Variants in HUWE1 observed in about 807,000 individuals in gnomAD.
HUWE1 encodes E3 ubiquitin-protein ligase HUWE1.
HUWE1 carries 18 observed loss-of-function variants against 299.4 expected under a neutral mutation model. The ratio of observed to expected loss-of-function variants is 0.06; its 90% CI spans 0.04 to 0.09. HUWE1 has a LOEUF of 0.09. HUWE1 is among the 10% of genes least tolerant of loss of function. The pLI is 1.00. For synonymous variants in HUWE1, 1,317 were observed against 1,286.1 expected (o/e 1.02, Z -0.51); for missense variants, 1,832 against 3,462.3 (o/e 0.53, Z 11.82).
intron 74 of HUWE1, among the ~76,000 whole-genome samples, chrX:53,541,669 A>G (rs1556918655): frequency 9.0e-6 from 1 of 111,669 alleles, no homozygotes; most frequent in Non-Finnish European, 1.9e-5. Context: ...GTTCAAGACC[A>G]GCCTGGGCAA....
At position 53,590,982 on chromosome X, in the gene HUWE1, G is replaced by A. The variant is rs1481697113; in HGVS notation, c.4095+18C>T. The A allele has an allele frequency of 8.3e-7, 1 of 1,208,860 alleles. No individual in the cohort carries two copies. Among genetic ancestry groups the A allele is most frequent in the South Asian group, 1.8e-5 (1 of 56,721 alleles). On this transcript the variant is annotated intron_variant, in intron 34 of 83. Coordinates refer to ENST00000262854, the MANE Select transcript of HUWE1 (RefSeq NM_031407.7). ...CAAACCAATATCCTGGAAAATCACT[G>A]CTTCTGAGCCAACTTACCCGAACAA...
At chrX:53,538,583 A>C in intron 76 of HUWE1, 129 bp from the exon 77 acceptor site, 1 of 568,875 alleles carries the variant, frequency 1.8e-6, no homozygotes, top group Non-Finnish European at 3.0e-6. Context: ...ACTAGTCAAA[A>C]CCAAGGGCCA....
chrX:53,535,224 C>T (rs782395766), intron 81 of HUWE1, among the ~76,000 whole-genome samples, 160 bp downstream of exon 81: 116 of 112,104 alleles, frequency 1.0e-3, no homozygotes, highest in South Asian at 2.6e-3. Context: ...TGTGAGCCAC[C>T]GTGCCCAAAG....
chrX:53,626,325 G>A (rs999398467), intron 17 of HUWE1, among the ~76,000 whole-genome samples: 1 of 109,196 alleles, frequency 9.2e-6, no homozygotes, highest in Non-Finnish European at 1.9e-5. Context: ...GGGGAGAGTG[G>A]TAAGTAAAAT....
chrX:53,651,605 T>C (rs929771636), intron 4 of HUWE1, among the ~76,000 whole-genome samples: 2 of 111,472 alleles, frequency 1.8e-5, no homozygotes, highest in Non-Finnish European at 3.8e-5. Flanking sequence ...GTATTGTTCT[T>C]TTTTATTGTT....
intron 19 of HUWE1, among the ~76,000 whole-genome samples, chrX:53,620,383 G>A (rs1444771956): frequency 1.8e-5 from 2 of 109,993 alleles, no homozygotes; most frequent in Non-Finnish European, 3.8e-5. Context: ...AGCTTCCTGA[G>A]TAGCGCACCA....
At chrX:53,619,204 T>C (rs1557010243) in intron 19 of HUWE1, among the ~76,000 whole-genome samples, 1 of 111,450 alleles carries the variant, frequency 9.0e-6, no homozygotes, top group African/African-American at 3.3e-5. Flanking sequence ...CAGTTTTCAA[T>C]GGCCTTTGGG....
chrX:53,568,599 C>T, intron 49 of HUWE1, 93 bp downstream of exon 49: 14 of 871,793 alleles, frequency 1.6e-5, no homozygotes, highest in Non-Finnish European at 2.1e-5. Flanking sequence ...CCCACTTGTA[C>T]CCAAAGTTTT....
rs781906609 is a variant in HUWE1, at chrX:53,629,482, C to G, written c.963+34G>C. On this transcript the variant is annotated intron_variant, in intron 13 of 83. Transcript: ENST00000262854. ...AAAATACTTCTGGTCCCAAGTGTTA[C>G]AGCTAAGGGTTACTCAACCTGTAAA... 6.3e-6 allele frequency: 6 copies of G among 950,175 alleles called. No homozygotes were observed. In the East Asian group the frequency reaches 1.9e-4, roughly 29 times the overall value. The allele number at this position is 950,175 out of a possible 1,213,427, so 78.3% of individuals were successfully genotyped here.
At chrX:53,620,670 G>C (rs1425588641) in intron 19 of HUWE1, among the ~76,000 whole-genome samples, 3 of 111,966 alleles carry the variant, frequency 2.7e-5, no homozygotes, top group Admixed American at 9.4e-5. Flanking sequence ...GATTGCCTTA[G>C]TTGTATGACA....
intron 7 of HUWE1, among the ~76,000 whole-genome samples, chrX:53,636,895 A>G (rs1369652395): frequency 8.9e-6 from 1 of 112,510 alleles, no homozygotes; most frequent in African/African-American, 3.2e-5. Context: ...ATATTCACAG[A>G]CAGAAGGTAT....
Position 53,564,694 on chromosome X carries a change from C to T in HUWE1, c.6909G>A (p.Glu2303=). 8.3e-7 allele frequency: 1 copy of T among 1,212,062 alleles called. No individual in the cohort carries two copies. Among genetic ancestry groups the T allele is most frequent in the Non-Finnish European group, 1.1e-6 (1 of 895,599 alleles). ...CTGTCTGAGTGACATCATGATCCTC[C>T]TCCTGCACTTCTGCTTCCCCAGGCT... ...PGEPGEAEVQ[E]EDHDVTQTEV... Residue 2303 remains glutamate (E), a synonymous_variant, in exon 51 of 84, where the codon GAG becomes GAA. Transcript: ENST00000262854.
intron 35 of HUWE1, 105 bp from the exon 36 acceptor site, chrX:53,589,921 C>G: frequency 1.2e-6 from 1 of 863,749 alleles, no homozygotes; most frequent in Non-Finnish European, 1.6e-6. Flanking sequence ...TTACCCTCAA[C>G]CTTCTCCTCA....
rs1436730742 is a variant in HUWE1 at position 53,546,482 on chromosome X, T to C, written c.10869A>G (p.Leu3623=). 3.3e-6 allele frequency: 4 copies of C among 1,209,041 alleles called. No individual in the cohort carries two copies. The highest frequency in any genetic ancestry group is 1.8e-5 in the African/African-American group (1 of 57,100). ...AACCCAGATGGCGGGCTCCATTCAG[T>C]AGCAGCTTGAGAACAGTGTCCCGGG... ...SGTRDTVLKL[L]LNGARHLGYT... is the part of the protein sequence containing the mutation. The change falls in exon 70 of 84, where the codon CTA becomes CTG. Residue 3623 remains leucine (L), a synonymous_variant. Coordinates refer to ENST00000262854, the MANE Select transcript of HUWE1 (RefSeq NM_031407.7).
intron 48 of HUWE1, 47 bp downstream of exon 48, chrX:53,569,568 TA>T: frequency 8.9e-7 from 1 of 1,118,320 alleles, no homozygotes; most frequent in Non-Finnish European, 1.2e-6. Flanking sequence ...AGAAGAAGAA[TA>T]AGGGGATGTT....
Position 53,562,129 on chromosome X carries a change from TTCCTCCTCC to T in HUWE1, c.7311_7319del (p.Glu2438_Glu2440del). ...CCCTCACCTGATCATCTTCCTCATC[TTCCTCCTCC>T]TCCTCCTCTTCATCCTGACTATCAT... On this transcript the variant is annotated inframe_deletion, in exon 54 of 84. Transcript: ENST00000262854. The T allele has an allele frequency of 1.7e-6, 2 of 1,197,771 alleles. No individual in the cohort carries two copies. Among genetic ancestry groups the T allele is most frequent in the Non-Finnish European group, 2.3e-6 (2 of 883,182 alleles).
intron 29 of HUWE1, among the ~76,000 whole-genome samples, chrX:53,596,167 A>G (rs1290882625): frequency 1.8e-5 from 2 of 111,911 alleles, no homozygotes; most frequent in Non-Finnish European, 3.8e-5. Flanking sequence ...ATCCAGAGAC[A>G]AGAAGGGCTA....
chrX:53,682,185 T>A (rs1182477577), intron 2 of HUWE1, among the ~76,000 whole-genome samples: 1 of 112,088 alleles, frequency 8.9e-6, no homozygotes. Flanking sequence ...ATTATGTGCC[T>A]ACCATGAGCT....
At chrX:53,619,958 G>A (rs1477827008) in intron 19 of HUWE1, among the ~76,000 whole-genome samples, 1 of 111,803 alleles carries the variant, frequency 8.9e-6, no homozygotes, top group East Asian at 2.8e-4. Flanking sequence ...ATCACCAGTG[G>A]GGGCTCACCA....
Sources: allele counts gnomAD v4.1 joint callset (sites outside exome capture counted in the v4.1 genomes callset), GRCh38; gene constraint gnomAD v4.1.1; transcripts MANE v1.5; gene names NCBI Gene and HGNC (gene_info 2026-07-23, HGNC 2026-07-21).